Variants in RHBDL3 observed in about 807,000 individuals in gnomAD.
The protein encoded by RHBDL3 is rhomboid like 3, also known as rhomboid-related protein 3.
A neutral mutation model predicts 48.2 loss-of-function variants in RHBDL3; 28 were observed. That is an observed-to-expected ratio of 0.58 (90% CI 0.43 to 0.80). The LOEUF is 0.80. Among genes scored for constraint, RHBDL3 ranks in the 30% least tolerant of loss-of-function variants. RHBDL3 has a pLI of 0.00. For missense variants in RHBDL3, 464 were observed against 542.7 expected (o/e 0.85, Z 1.44); for synonymous variants, 208 against 232.3 (o/e 0.90, Z 0.95).
intron 2 of RHBDL3, among the ~76,000 whole-genome samples, chr17:32,274,440 A>G (rs1053304194): frequency 1.3e-5 from 2 of 152,236 alleles, no homozygotes; most frequent in African/African-American, 4.8e-5. Flanking sequence ...GTACAGGTTG[A>G]AATCAGTATA....
rs1224941374 is a variant in RHBDL3 at position 32,321,701 on chromosome 17, C to T, written c.*472C>T. Reference sequence around the variant, plus strand: ...TGCAGGCCATGTGGTGTCTCCTTGACACCTGCTGTGTCTGGGGCTCCAGTA... The same window carrying T: ...TGCAGGCCATGTGGTGTCTCCTTGATACCTGCTGTGTCTGGGGCTCCAGTA... On this transcript the variant is annotated 3_prime_UTR_variant, in exon 9 of 9. Coordinates refer to ENST00000269051, the MANE Select transcript of RHBDL3 (RefSeq NM_138328.3). The T allele has an allele frequency of 1.9e-5, 5 of 267,430 alleles. No homozygotes were observed. The highest frequency in any genetic ancestry group is 3.7e-5 in the Non-Finnish European group (5 of 135,556). The allele number at this position is 267,430 out of a possible 1,614,324, so 16.6% of individuals were successfully genotyped here.
intron 2 of RHBDL3, chr17:32,284,457 G>A: frequency 1.9e-6 from 1 of 531,664 alleles, no homozygotes; most frequent in East Asian, 3.0e-5. Context: ...TGGATTGGGT[G>A]ATCCTGAAGG....
chr17:32,277,897 A>G (rs567640290), intron 2 of RHBDL3, among the ~76,000 whole-genome samples: 1 of 152,338 alleles, frequency 6.6e-6, no homozygotes, highest in Non-Finnish European at 1.5e-5. Flanking sequence ...AGTCCTTGAT[A>G]TGGTGCGTTA....
In RHBDL3 at chr17:32,321,161, C is replaced by T. The variant is rs1445191370; in HGVS notation, c.1147C>T (p.Leu383=). The part of the protein sequence containing the change: ...IFVAMYTVFV[L]FAVFWNIFAY... ...TGTGGCCATGTACACCGTCTTCGTG[C>T]TGTTCGCTGTCTTCTGGAACATCTT... Residue 383 remains leucine, a synonymous_variant, in exon 9 of 9, where the codon CTG becomes TTG. Transcript: ENST00000269051. The T allele has an allele frequency of 6.2e-7, 1 of 1,614,166 alleles. No individual in the cohort carries two copies. The highest frequency in any genetic ancestry group is 2.2e-5 in the East Asian group (1 of 44,872).
intron 6 of RHBDL3, among the ~76,000 whole-genome samples, chr17:32,300,329 C>T (rs938944931): frequency 2.0e-5 from 3 of 152,196 alleles, no homozygotes; most frequent in African/African-American, 7.2e-5. Context: ...AGGAAGATCG[C>T]TTGAGCCCAA....
intron 2 of RHBDL3, among the ~76,000 whole-genome samples, chr17:32,282,965 G>C (rs11080178): frequency 0.056 from 8,593 of 152,210 alleles, 386 homozygotes; most frequent in African/African-American, 0.12. Flanking sequence ...ACTCCTGACT[G>C]TTGCTCTTTG....
At chr17:32,284,629 T>C in intron 2 of RHBDL3, 30 bp from the exon 3 acceptor site, 1 of 1,609,664 alleles carries the variant, frequency 6.2e-7, no homozygotes, top group Non-Finnish European at 8.5e-7. Flanking sequence ...GGTGCCCTGC[T>C]GACCCTGCTG....
At position 32,323,766 on chromosome 17, in the gene RHBDL3, GCTGTT is replaced by G. The variant is rs2041196633; in HGVS notation, c.*2540_*2544del. 6.6e-6 allele frequency: 1 copy of G among 152,472 alleles called. No individual in the cohort carries two copies. The highest frequency in any genetic ancestry group is 2.1e-4 in the South Asian group (1 of 4,834). 9.4% of individuals were successfully genotyped at this position (152,472 alleles called of 1,614,324 possible). ...TCTACACCTTAGACCACCAGCCCCA[GCTGTT>G]CTCTGTCAGCACACCCACCTCCATC... On this transcript the variant is annotated 3_prime_UTR_variant, in exon 9 of 9. Transcript: ENST00000269051.
rs748515772 is a variant in RHBDL3 at position 32,294,294 on chromosome 17, G to T, written c.520G>T (p.Val174Phe). 3 of 1,613,498 alleles carry T rather than the reference G, an allele frequency of 1.9e-6. No homozygotes were observed. The highest frequency in any genetic ancestry group is 2.7e-5 in the African/African-American group (2 of 74,874). Residue 174 changes from valine (V) to phenylalanine (F), a missense_variant and splice_region_variant, in exon 5 of 9, where the codon GTT becomes TTT. Coordinates refer to ENST00000269051, the MANE Select transcript of RHBDL3 (RefSeq NM_138328.3). ...AACAGACTCTCTCTCTTCTGTCCAG[G>T]TTGCCTTTTTCCTCTACAATGGGGT... ...WFMITVTLLE[V>F]AFFLYNGVSL... is the part of the protein sequence containing the mutation.
chr17:32,321,690 T>C lies in RHBDL3; in HGVS notation c.*461T>C, dbSNP rs942476302. 1 of 285,628 alleles carries C rather than the reference T, an allele frequency of 3.5e-6. No homozygotes were observed. Among genetic ancestry groups the C allele is most frequent in the Non-Finnish European group, 6.9e-6 (1 of 145,306 alleles). 17.7% of individuals were successfully genotyped at this position (285,628 alleles called of 1,614,324 possible). On this transcript the variant is annotated 3_prime_UTR_variant, in exon 9 of 9. Transcript: ENST00000269051. ...TCAGAAATAATTGCAGGCCATGTGG[T>C]GTCTCCTTGACACCTGCTGTGTCTG...
intron 4 of RHBDL3, among the ~76,000 whole-genome samples, chr17:32,292,119 A>G (rs1413426479): frequency 6.6e-6 from 1 of 152,178 alleles, no homozygotes; most frequent in African/African-American, 2.4e-5. Context: ...GATTAAGAAC[A>G]CAGGGACGTA....
intron 2 of RHBDL3, among the ~76,000 whole-genome samples, chr17:32,278,469 C>G (rs2039965144): frequency 6.6e-6 from 1 of 152,146 alleles, no homozygotes; most frequent in African/African-American, 2.4e-5. Flanking sequence ...TCCTTTTGCC[C>G]TATGCACCTG....
Position 32,316,251 on chromosome 17 carries a change from G to A in RHBDL3, c.902G>A (p.Cys301Tyr). 1 of 1,613,800 alleles carries A rather than the reference G, an allele frequency of 6.2e-7. No individual in the cohort carries two copies. The highest frequency in any genetic ancestry group is 8.5e-7 in the Non-Finnish European group (1 of 1,179,690). The change falls in exon 8 of 9, where the codon TGC becomes TAC. Residue 301 changes from cysteine (C) to tyrosine (Y), a missense_variant. By Grantham distance (194) the Cys-to-Tyr change is radical. Coordinates refer to ENST00000269051, the MANE Select transcript of RHBDL3 (RefSeq NM_138328.3). Reference sequence around the variant, plus strand: ...CCCTAGAACTGGTCAGGCATGAAGTGCCAGTTCAAGCTGCTGCGGATGGCT... The same window carrying A: ...CCCTAGAACTGGTCAGGCATGAAGTACCAGTTCAAGCTGCTGCGGATGGCT... ...NIVMNWSGMK[C>Y]QFKLLRMAVA...
chr17:32,288,773 C>T lies in RHBDL3; in HGVS notation c.295-19C>T. On this transcript the variant is annotated intron_variant, in intron 3 of 8. Coordinates refer to ENST00000269051, the MANE Select transcript of RHBDL3 (RefSeq NM_138328.3). ...TGGGCCCCAGCTCTGACCCTCTCCC[C>T]ACTCCATTTCCTGCACAGATGAGCA... 1 of 1,588,072 alleles carries T rather than the reference C, an allele frequency of 6.3e-7. No homozygotes were observed. Among genetic ancestry groups the T allele is most frequent in the Non-Finnish European group, 8.6e-7 (1 of 1,163,042 alleles).
At position 32,301,419 on chromosome 17, in the gene RHBDL3, T is replaced by C. The variant is rs1221222294; in HGVS notation, c.781+3215T>C. ...CCCATCTCTACCAAAAAAAAAAAAA[T>C]CAATATCACCAATCTTATATTATAG... On this transcript the variant is annotated intron_variant, in intron 6 of 8. Coordinates refer to ENST00000269051, the MANE Select transcript of RHBDL3 (RefSeq NM_138328.3). 2.1e-5 allele frequency among the ~76,000 whole-genome samples: 3 copies of C among 144,642 alleles called. No individual in the cohort carries two copies. The East Asian group carries it at 6.2e-4, about 30-fold the overall frequency. 94.9% of individuals were successfully genotyped at this position (144,642 alleles called of 152,430 possible).
chr17:32,266,344 G>C, intron 1 of RHBDL3, 44 bp downstream of exon 1: 1 of 1,057,998 alleles, frequency 9.5e-7, no homozygotes, highest in Non-Finnish European at 1.3e-6. Flanking sequence ...AGGGGGCGCC[G>C]GGGGGAAAAG....
rs2041121201 is a variant in RHBDL3, at chr17:32,321,134, T to G, written c.1120T>G (p.Phe374Val). The G allele has an allele frequency of 6.2e-7, 1 of 1,614,112 alleles. No homozygotes were observed. Among genetic ancestry groups the G allele is most frequent in the Non-Finnish European group, 8.5e-7 (1 of 1,180,036 alleles). The change falls in exon 9 of 9, where the codon TTT (phenylalanine) becomes GTT (valine). Residue 374 changes from phenylalanine to valine, a missense_variant. Transcript: ENST00000269051. Reference sequence around the variant, plus strand: ...CCAGGACCAGTCACTGTGGTGGATTTTTGTGGCCATGTACACCGTCTTCGT... The same window carrying G: ...CCAGGACCAGTCACTGTGGTGGATTGTTGTGGCCATGTACACCGTCTTCGT... The part of the protein sequence containing the change: ...RLQDQSLWWI[F>V]VAMYTVFVLF...
rs369892604 is a variant in RHBDL3 at position 32,267,893 on chromosome 17, C to G, written c.112-9C>G. 1 of 1,613,946 alleles carries G rather than the reference C, an allele frequency of 6.2e-7. No individual in the cohort carries two copies. Among genetic ancestry groups the G allele is most frequent in the Non-Finnish European group, 8.5e-7 (1 of 1,179,858 alleles). On this transcript the variant is annotated splice_polypyrimidine_tract_variant and intron_variant, in intron 1 of 8. Coordinates refer to ENST00000269051, the MANE Select transcript of RHBDL3 (RefSeq NM_138328.3). The stretch of plus-strand genomic sequence containing the variant: ...TCTTCCTCTCCTGCATGGCCTCCCT[C>G]TCTGCCAGCACTGGAAAGTCCTGTT...
chr17:32,301,450 A>G (rs1388218938), intron 6 of RHBDL3, among the ~76,000 whole-genome samples: 1 of 151,576 alleles, frequency 6.6e-6, no homozygotes, highest in Non-Finnish European at 1.5e-5. Context: ...TATAGATTAT[A>G]TAGATTACTA....
Sources: allele counts gnomAD v4.1 joint callset (sites outside exome capture counted in the v4.1 genomes callset), GRCh38; gene constraint gnomAD v4.1.1; transcripts MANE v1.5; gene names NCBI Gene and HGNC (gene_info 2026-07-23, HGNC 2026-07-21).